Variants in PTPRT observed in about 807,000 individuals in gnomAD.
The protein encoded by PTPRT is protein tyrosine phosphatase receptor type T.
PTPRT carries 56 observed loss-of-function variants against 176.8 expected under a neutral mutation model. The observed-to-expected ratio is 0.32, with a 90% CI of 0.26 to 0.40. PTPRT has a LOEUF of 0.40. PTPRT is among the 10% of genes least tolerant of loss of function. The probability of loss-of-function intolerance (pLI) is 1.00; values close to 1 mark genes in which losing one functional copy is unlikely to be tolerated. For synonymous variants in PTPRT, 783 were observed against 739.0 expected, an observed-to-expected ratio of 1.06 and a Z score of -0.96; for missense variants, 1,540 against 1,908.2, an observed-to-expected ratio of 0.81 and a Z score of 3.60.
At chr20:42,769,835 C>T (rs2077037101) in intron 5 of PTPRT, among the ~76,000 whole-genome samples, 1 of 152,128 alleles carries the variant, frequency 6.6e-6, no homozygotes, top group Admixed American at 6.5e-5. Flanking sequence ...ATAAGTAATC[C>T]TTAGAATAAT....
intron 13 of PTPRT, among the ~76,000 whole-genome samples, chr20:42,270,642 A>G (rs2056919055): frequency 6.6e-6 from 1 of 152,104 alleles, no homozygotes; most frequent in African/African-American, 2.4e-5. Flanking sequence ...AAAATGAAAC[A>G]AGAGTAAGAG....
At position 42,483,507 on chromosome 20, in the gene PTPRT, G is replaced by A. The variant is rs137971812; in HGVS notation, c.1154-10945C>T. 2.4e-3 allele frequency among the ~76,000 whole-genome samples: 364 copies of A among 152,196 alleles called. 2 individuals are homozygous for A. Among genetic ancestry groups the A allele is most frequent in the African/African-American group, 8.3e-3 (344 of 41,540 alleles). ...CCTTCCTTTAAACATTAGTTCTTCC[G>A]AGAAAGCTGTCACTCAAAAGCTTCT... On this transcript the variant is annotated intron_variant, in intron 7 of 30. Coordinates refer to ENST00000373187, the MANE Select transcript of PTPRT (RefSeq NM_007050.6).
intron 1 of PTPRT, among the ~76,000 whole-genome samples, chr20:43,128,489 C>A (rs1412587172): frequency 1.3e-5 from 2 of 152,172 alleles, no homozygotes; most frequent in Admixed American, 6.5e-5. Context: ...ATTCTTTTGG[C>A]CTGCCCCAGC....
chr20:42,998,091 T>A (rs532323449), intron 1 of PTPRT, among the ~76,000 whole-genome samples: 1 of 152,260 alleles, frequency 6.6e-6, no homozygotes, highest in Non-Finnish European at 1.5e-5. Context: ...GTGAGATCGT[T>A]GATTCTCAAG....
At chr20:43,104,363 TC>T (rs1484161590) in intron 1 of PTPRT, among the ~76,000 whole-genome samples, 1 of 151,598 alleles carries the variant, frequency 6.6e-6, no homozygotes, top group East Asian at 1.9e-4. Context: ...CCCCCTGAGG[TC>T]CCAGACAACA....
At position 42,081,993 on chromosome 20, in the gene PTPRT, G is replaced by A. The variant is rs763631753; in HGVS notation, c.4161C>T (p.Thr1387=). The A allele has an allele frequency of 7.4e-6, 12 of 1,614,096 alleles. No individual in the cohort carries two copies. In the East Asian group the frequency reaches 2.2e-4, roughly 30 times the overall value. ...HCLNGGGRSG[T]FCAICSVCEM... ...CACACACACTGCAGATGGCACAGAA[G>A]GTTCCACTACGGCCTCCCCCATTTC... Residue 1387 remains threonine (T), a synonymous_variant, in exon 30 of 31, where the codon ACC becomes ACT. Transcript: ENST00000373187.
intron 13 of PTPRT, among the ~76,000 whole-genome samples, chr20:42,258,120 C>T (rs1435675228): frequency 6.6e-6 from 1 of 152,150 alleles, no homozygotes; most frequent in East Asian, 1.9e-4. Flanking sequence ...GTATTTAGAT[C>T]TAGAATCTTC....
intron 1 of PTPRT, among the ~76,000 whole-genome samples, chr20:43,082,597 C>A (rs1463919068): frequency 6.6e-6 from 1 of 152,082 alleles, no homozygotes; most frequent in African/African-American, 2.4e-5. Flanking sequence ...CACTCCCTCC[C>A]CCTGTTTTTT....
At chr20:42,103,396 T>G (rs1986137521) in intron 25 of PTPRT, among the ~76,000 whole-genome samples, 1 of 152,240 alleles carries the variant, frequency 6.6e-6, no homozygotes, top group Non-Finnish European at 1.5e-5. Context: ...AGATTCTGCA[T>G]TTATAACAAG....
At chr20:42,086,411 A>G (rs1983912400) in intron 27 of PTPRT, among the ~76,000 whole-genome samples, 1 of 152,052 alleles carries the variant, frequency 6.6e-6, no homozygotes, top group South Asian at 2.1e-4. Context: ...TGCTATGTTG[A>G]TTTCAAACCA....
At chr20:42,703,450 C>G (rs1954770411) in intron 6 of PTPRT, among the ~76,000 whole-genome samples, 1 of 152,126 alleles carries the variant, frequency 6.6e-6, no homozygotes. Flanking sequence ...AGCATTGTTA[C>G]CAGGAGTGGG....
At chr20:42,702,956 A>G (rs1311010108) in intron 6 of PTPRT, among the ~76,000 whole-genome samples, 1 of 152,202 alleles carries the variant, frequency 6.6e-6, no homozygotes, top group African/African-American at 2.4e-5. Flanking sequence ...CCCCTATCCC[A>G]TAGCCAGCCC....
intron 7 of PTPRT, among the ~76,000 whole-genome samples, chr20:42,487,229 G>A (rs775130759): frequency 1.3e-5 from 2 of 152,192 alleles, no homozygotes; most frequent in African/African-American, 2.4e-5. Context: ...CTAATAGAGA[G>A]ATCTGGAGAA....
intron 13 of PTPRT, among the ~76,000 whole-genome samples, chr20:42,276,594 T>A (rs2057043957): frequency 7.4e-6 from 1 of 134,442 alleles, no homozygotes; most frequent in Non-Finnish European, 1.6e-5. Context: ...GGGCTACCGA[T>A]CTCAGGCTTC....
intron 1 of PTPRT, among the ~76,000 whole-genome samples, chr20:42,951,841 A>G (rs988054282): frequency 5.9e-5 from 9 of 152,118 alleles, no homozygotes; most frequent in African/African-American, 2.2e-4. Context: ...GTAAGCCTCA[A>G]TTTCCTCAGC....
chr20:43,132,365 C>A (rs932972055), intron 1 of PTPRT, among the ~76,000 whole-genome samples: 2 of 152,198 alleles, frequency 1.3e-5, no homozygotes, highest in Admixed American at 1.3e-4. Flanking sequence ...AAAGATATTT[C>A]TCAAAAGAGT....
intron 1 of PTPRT, among the ~76,000 whole-genome samples, chr20:43,097,367 C>A (rs1004872256): frequency 9.2e-5 from 14 of 152,148 alleles, no homozygotes; most frequent in African/African-American, 3.4e-4. Context: ...TGAGTACCTG[C>A]CCCACAAGCC....
intron 9 of PTPRT, among the ~76,000 whole-genome samples, chr20:42,383,711 T>C (rs559438005): frequency 6.6e-6 from 1 of 152,320 alleles, no homozygotes; most frequent in South Asian, 2.1e-4. Context: ...ATATCATGTG[T>C]AGGGCCAAGG....
At chr20:42,387,121 T>G (rs1459653624) in intron 9 of PTPRT, among the ~76,000 whole-genome samples, 3 of 152,206 alleles carry the variant, frequency 2.0e-5, no homozygotes, top group African/African-American at 7.2e-5. Flanking sequence ...TGATCTGACT[T>G]TATACCAAGC....
Sources: allele counts gnomAD v4.1 joint callset (sites outside exome capture counted in the v4.1 genomes callset), GRCh38; gene constraint gnomAD v4.1.1; transcripts MANE v1.5; gene names NCBI Gene and HGNC (gene_info 2026-07-23, HGNC 2026-07-21).